Variants in MUS81 observed in about 807,000 individuals in gnomAD.
The protein encoded by MUS81 is structure-specific endonuclease subunit MUS81.
In MUS81, 69 loss-of-function variants were observed where a neutral mutation model predicts 74.2. The ratio of observed to expected loss-of-function variants is 0.93; its 90% CI spans 0.77 to 1.14. The LOEUF is 1.14. MUS81 is among the 50% of genes most tolerant of loss of function. MUS81 has a pLI of 0.00. For synonymous variants in MUS81, 303 were observed against 300.6 expected, an observed-to-expected ratio of 1.01 and a Z score of -0.08; for missense variants, 711 against 726.5, an observed-to-expected ratio of 0.98 and a Z score of 0.25.
rs2134728369 is a variant in MUS81 at position 65,862,526 on chromosome 11, CCAGGTGGGGCCAA to C, written c.604_605+11del. The stretch of plus-strand genomic sequence containing the variant: ...CTGGTCCTCAGGACACACCAGCCAG[CCAGGTGGGGCCAA>C]CTGCAGGAGATACAGGAGAGCATGA... On this transcript the variant is annotated splice_donor_variant and splice_donor_5th_base_variant and coding_sequence_variant and intron_variant, in exon 6 of 16. Transcript: ENST00000308110. LOFTEE classifies it high-confidence loss of function. 2.5e-6 allele frequency: 4 copies of C among 1,613,456 alleles called. No homozygotes were observed. In the East Asian group the frequency reaches 8.9e-5, roughly 36 times the overall value.
chr11:65,867,292 C>G (rs11820436), downstream of MUS81: 3,635 of 611,140 alleles, frequency 5.9e-3, 106 homozygotes, highest in African/African-American at 0.059. Flanking sequence ...TGGGGCTCTT[C>G]TCACCCTCTC....
Position 65,863,586 on chromosome 11 carries a change from C to T in MUS81, c.840-14C>T, listed in dbSNP as rs755562487. 11 of 1,613,848 alleles carry T rather than the reference C, an allele frequency of 6.8e-6. No homozygotes were observed. Among genetic ancestry groups the T allele is most frequent in the African/African-American group, 1.3e-5 (1 of 74,920 alleles). On this transcript the variant is annotated splice_polypyrimidine_tract_variant and intron_variant, in intron 8 of 15. Coordinates refer to ENST00000308110, the MANE Select transcript of MUS81 (RefSeq NM_025128.5). ...GCCCTGCTCTGATCTAGGCTTCCCT[C>T]CTTGCCACTCCAGGGGCGGGCACAG...
chr11:65,860,089 T>G (rs1051580319), upstream of MUS81: 1 of 359,126 alleles, frequency 2.8e-6, no homozygotes, highest in African/African-American at 2.1e-5. Flanking sequence ...CTCTTTGCCC[T>G]GTATCCCGGG....
At chr11:65,863,549 G>C in intron 8 of MUS81, 47 bp downstream of exon 8, 1 of 1,614,034 alleles carries the variant, frequency 6.2e-7, no homozygotes. Flanking sequence ...AGGAGGCTGG[G>C]GGGTAGGCAC....
chr11:65,864,014 C>T, intron 10 of MUS81, 113 bp downstream of exon 10: 1 of 1,007,386 alleles, frequency 9.9e-7, no homozygotes, highest in Non-Finnish European at 1.5e-6. Context: ...CCTTTGGAAT[C>T]CAGCCACACC....
downstream of MUS81, chr11:65,867,345 C>T: frequency 1.8e-6 from 1 of 552,734 alleles, no homozygotes; most frequent in East Asian, 3.1e-5. Context: ...GATTCAAGGC[C>T]ACATGTGGCT....
chr11:65,860,694 A>C lies in MUS81; in HGVS notation c.-60A>C, dbSNP rs781663711. 7.8e-6 allele frequency: 12 copies of C among 1,532,006 alleles called. No individual in the cohort carries two copies. In the South Asian group the frequency reaches 1.4e-4, roughly 18 times the overall value. The allele number at this position is 1,532,006 out of a possible 1,614,324, so 94.9% of individuals were successfully genotyped here. On this transcript the variant is annotated 5_prime_UTR_variant, in exon 1 of 16. Coordinates refer to ENST00000308110, the MANE Select transcript of MUS81 (RefSeq NM_025128.5). Reference sequence around the variant, plus strand: ...GGCCAGGTGTTCGAATCCCGACTCCAGAACTGGCGGCGTCCCAGTCCCGCG... The same window carrying C: ...GGCCAGGTGTTCGAATCCCGACTCCCGAACTGGCGGCGTCCCAGTCCCGCG...
chr11:65,863,109 C>T lies in MUS81; in HGVS notation c.650C>T (p.Ala217Val), dbSNP rs867724382. 1 of 1,614,010 alleles carries T rather than the reference C, an allele frequency of 6.2e-7. No homozygotes were observed. Among genetic ancestry groups the T allele is most frequent in the African/African-American group, 1.3e-5 (1 of 74,910 alleles). ...PEGLELAQKL[A>V]ESEGLSLLNV... ...GGCCTGGAGCTGGCCCAGAAGTTGGCCGAGTCAGAAGGCCTGAGCTTGCTG... is the reference window on the plus strand; with the variant it reads ...GGCCTGGAGCTGGCCCAGAAGTTGGTCGAGTCAGAAGGCCTGAGCTTGCTG... Residue 217 changes from alanine (A) to valine (V), a missense_variant, in exon 7 of 16, where the codon GCC (alanine) becomes GTC (valine). Physicochemically the swap from Ala to Val is moderately conservative, Grantham distance 64. Transcript: ENST00000308110.
rs1859729106 is a variant in MUS81 at position 65,864,288 on chromosome 11, G to C, written c.1060-209G>C. 16 of 611,188 alleles carry C rather than the reference G, an allele frequency of 2.6e-5. No homozygotes were observed. The South Asian group carries it at 3.0e-4, about 11-fold the overall frequency. The allele number at this position is 611,188 out of a possible 1,614,324, so 37.9% of individuals were successfully genotyped here. ...GGAGGCTTGAAGGATGGGCAGTGTT[G>C]AGAGATGGAGAAAAGGCTTTCTAGA... is the stretch of plus-strand genomic sequence containing the variant. On this transcript the variant is annotated intron_variant, in intron 10 of 15. Coordinates refer to ENST00000308110, the MANE Select transcript of MUS81 (RefSeq NM_025128.5).
In MUS81 at chr11:65,862,457, G is replaced by A. The variant is rs1859643568; in HGVS notation, c.533G>A (p.Ser178Asn). ...AQKSPRVAPG[S>N]ARPWPALRSL... ...TCTGATCCACAGGTAGCCCCTGGGA[G>A]TGCTCGACCCTGGCCAGCCCTCCGC... is the stretch of plus-strand genomic sequence containing the variant. The change falls in exon 6 of 16, where the codon AGT (serine) becomes AAT (asparagine). Residue 178 changes from serine (S) to asparagine (N), a missense_variant. Coordinates refer to ENST00000308110, the MANE Select transcript of MUS81 (RefSeq NM_025128.5). The A allele has an allele frequency of 6.2e-7, 1 of 1,613,648 alleles. No homozygotes were observed.
At chr11:65,866,883 G>A, downstream of MUS81, 1 of 1,612,814 alleles carries the variant, frequency 6.2e-7, no homozygotes, top group South Asian at 1.1e-5. Context: ...TCCTCAGCTA[G>A]GGTAGCTGCA....
intron 10 of MUS81, 150 bp from the exon 11 acceptor site, chr11:65,864,347 C>A: frequency 1.5e-6 from 1 of 686,590 alleles, no homozygotes. Context: ...CTGCGGAGGC[C>A]CCTGTGAGGC....
intron 12 of MUS81, 81 bp from the exon 13 acceptor site, chr11:65,864,936 C>T: frequency 1.3e-6 from 2 of 1,592,746 alleles, no homozygotes; most frequent in Non-Finnish European, 1.7e-6. Flanking sequence ...AGGCTGGCCC[C>T]CCAAGGCTGA....
At chr11:65,860,118 C>T (rs1859527906), upstream of MUS81, 1 of 386,164 alleles carries the variant, frequency 2.6e-6, no homozygotes, top group Admixed American at 2.7e-5. Flanking sequence ...TCACCATTTC[C>T]TCCAAGGGTC....
chr11:65,867,157 G>A (rs1426350359), downstream of MUS81: 6 of 1,579,402 alleles, frequency 3.8e-6, no homozygotes, highest in African/African-American at 4.0e-5. Flanking sequence ...TCACCTCCCT[G>A]CCCCGTGGCC....
At chr11:65,864,023 C>T in intron 10 of MUS81, 122 bp downstream of exon 10, 2 of 953,682 alleles carry the variant, frequency 2.1e-6, no homozygotes, top group East Asian at 2.6e-5. Flanking sequence ...TCCAGCCACA[C>T]CCACCCTGTG....
downstream of MUS81, chr11:65,866,763 TG>T (rs1859852916): frequency 2.0e-6 from 2 of 992,384 alleles, no homozygotes; most frequent in African/African-American, 1.6e-5. Context: ...CCCCCCCAAG[TG>T]CCACCCTGCC....
intron 10 of MUS81, 180 bp from the exon 11 acceptor site, chr11:65,864,315 AAG>A: frequency 3.2e-6 from 2 of 627,722 alleles, no homozygotes; most frequent in Non-Finnish European, 5.7e-6. Flanking sequence ...CTTTCTAGAC[AAG>A]AGTGTCAGCA....
rs201343332 is a variant in MUS81, at chr11:65,865,030, G to A, written c.1286G>A (p.Arg429His). 1.4e-5 allele frequency: 22 copies of A among 1,613,522 alleles called. No homozygotes were observed. In the Admixed American group the frequency reaches 1.8e-4, roughly 13 times the overall value. Reference protein sequence around the residue: ...LQRLYQGHTLRSRPWGTPGNP... With the variant: ...LQRLYQGHTLHSRPWGTPGNP... ...TTCTTCCCTCAGGGCCACACCCTAC[G>A]CAGCCGCCCCTGGGGAACCCCTGGG... Residue 429 changes from arginine (R) to histidine (H), a missense_variant, in exon 13 of 16, where the codon CGC becomes CAC. Coordinates refer to ENST00000308110, the MANE Select transcript of MUS81 (RefSeq NM_025128.5).
Sources: gnomAD v4.1 joint callset for allele counts on GRCh38, gnomAD v4.1.1 for gene constraint, MANE v1.5 for transcripts, NCBI Gene and HGNC (gene_info 2026-07-23, HGNC 2026-07-21) for gene names.